Variants in CDH12 observed in about 807,000 individuals in gnomAD.
CDH12 encodes cadherin 12, also known as cadherin-12.
Under a neutral mutation model 74.1 loss-of-function variants are expected in CDH12, and 41 were observed. The ratio of observed to expected loss-of-function variants is 0.55; its 90% confidence interval spans 0.43 to 0.72. The LOEUF (loss-of-function observed/expected upper bound fraction) is 0.72, where lower values mean the gene tolerates loss of function less well. Among genes scored for constraint, CDH12 ranks in the 30% least tolerant of loss-of-function variants. CDH12 has a pLI of 0.00. For synonymous variants in CDH12, 399 were observed against 355.0 expected, an observed-to-expected ratio of 1.12 and a Z score of -1.39; for missense variants, 945 against 977.2, an observed-to-expected ratio of 0.97 and a Z score of 0.44.
At chr5:22,634,355 T>C (rs1446038768) in intron 1 of CDH12, among the ~76,000 whole-genome samples, 2 of 152,030 alleles carry the variant, frequency 1.3e-5, no homozygotes, top group East Asian at 3.9e-4. Flanking sequence ...AAAAATTAGG[T>C]TGCAAGACAC....
At chr5:22,802,349 T>C (rs564305740) in intron 1 of CDH12, among the ~76,000 whole-genome samples, 1 of 152,146 alleles carries the variant, frequency 6.6e-6, no homozygotes, top group Admixed American at 6.5e-5. Flanking sequence ...CTCCATCTCC[T>C]GACCTTGTGA....
At chr5:22,155,550 T>C (rs1422522374) in intron 4 of CDH12, among the ~76,000 whole-genome samples, 1 of 152,192 alleles carries the variant, frequency 6.6e-6, no homozygotes, top group Non-Finnish European at 1.5e-5. Context: ...CTAGTCTATA[T>C]GTTAGAGAAA....
At chr5:22,798,307 C>G (rs1748333829) in intron 1 of CDH12, among the ~76,000 whole-genome samples, 1 of 152,002 alleles carries the variant, frequency 6.6e-6, no homozygotes, top group Non-Finnish European at 1.5e-5. Flanking sequence ...TAAATATAGG[C>G]TACTTAACAA....
intron 4 of CDH12, among the ~76,000 whole-genome samples, chr5:22,194,086 C>T (rs1272428282): frequency 6.6e-6 from 1 of 152,068 alleles, no homozygotes; most frequent in Non-Finnish European, 1.5e-5. Context: ...TCTCTGACAC[C>T]TCATTGGAGA....
intron 4 of CDH12, among the ~76,000 whole-genome samples, chr5:22,108,708 G>C (rs1744644431): frequency 6.6e-6 from 1 of 152,172 alleles, no homozygotes; most frequent in South Asian, 2.1e-4. Flanking sequence ...CTTAGACATA[G>C]AGTGATTTTA....
intron 6 of CDH12, among the ~76,000 whole-genome samples, chr5:21,862,077 T>C (rs1490682668): frequency 3.3e-5 from 5 of 152,116 alleles, no homozygotes; most frequent in Non-Finnish European, 7.4e-5. Flanking sequence ...TGTTTATATC[T>C]ATGTGTGCAT....
At chr5:21,815,600 A>G (rs984228432) in intron 9 of CDH12, among the ~76,000 whole-genome samples, 8 of 152,126 alleles carry the variant, frequency 5.3e-5, no homozygotes, top group African/African-American at 1.9e-4. Context: ...TGTCATTACT[A>G]AACAGCTTCC....
intron 1 of CDH12, among the ~76,000 whole-genome samples, chr5:22,792,162 C>A (rs1341798669): frequency 2.0e-5 from 3 of 147,888 alleles, no homozygotes; most frequent in African/African-American, 7.5e-5. Context: ...AATCTCGGCT[C>A]ACTGTGACCT....
At chr5:21,981,822 C>G (rs1409799408) in intron 5 of CDH12, among the ~76,000 whole-genome samples, 2 of 152,124 alleles carry the variant, frequency 1.3e-5, no homozygotes, top group African/African-American at 4.8e-5. Flanking sequence ...GCACAGACTA[C>G]CATGCTTAGC....
intron 6 of CDH12, chr5:21,883,868 T>C (rs537772855): frequency 1.2e-6 from 2 of 1,607,380 alleles, no homozygotes; most frequent in East Asian, 4.5e-5. Context: ...ATGCCCTTAA[T>C]GCTACAAGAG....
chr5:22,838,207 A>T (rs1561067388), intron 1 of CDH12, among the ~76,000 whole-genome samples: 2 of 152,144 alleles, frequency 1.3e-5, no homozygotes, highest in African/African-American at 4.8e-5. Context: ...CCTTGGCTGT[A>T]GACCCGTAGA....
intron 10 of CDH12, among the ~76,000 whole-genome samples, chr5:21,794,375 G>A (rs1746664957): frequency 6.6e-6 from 1 of 151,668 alleles, no homozygotes; most frequent in African/African-American, 2.4e-5. Flanking sequence ...CATTTGCAAA[G>A]AGACTTCATG....
intron 10 of CDH12, among the ~76,000 whole-genome samples, chr5:21,792,298 T>C (rs1746543350): frequency 6.6e-6 from 1 of 151,902 alleles, no homozygotes; most frequent in African/African-American, 2.4e-5. Flanking sequence ...TCCTATCAAT[T>C]TCTCTTTTTT....
intron 6 of CDH12, among the ~76,000 whole-genome samples, chr5:21,859,686 C>T (rs967857265): frequency 5.3e-5 from 8 of 151,868 alleles, no homozygotes; most frequent in African/African-American, 1.7e-4. Flanking sequence ...ATGCTGACAC[C>T]AGGAGATACA....
intron 11 of CDH12, among the ~76,000 whole-genome samples, chr5:21,783,082 G>A (rs146167812): frequency 6.6e-5 from 10 of 152,140 alleles, no homozygotes; most frequent in African/African-American, 2.2e-4. Context: ...ATTAAAACTC[G>A]GGTGAATTTT....
rs189808812 is a variant in CDH12 at position 21,806,835 on chromosome 5, G to T, written c.1003-4415C>A. On this transcript the variant is annotated intron_variant, in intron 9 of 14. Coordinates refer to ENST00000382254, the MANE Select transcript of CDH12 (RefSeq NM_004061.5). Reference sequence around the variant, plus strand: ...TGGCTCATTCCCCAGCATAGCCCAAGCTAACTATGGAATTTAGTTTATACT... The same window carrying T: ...TGGCTCATTCCCCAGCATAGCCCAATCTAACTATGGAATTTAGTTTATACT... Among the ~76,000 whole-genome samples, 215 of 152,312 alleles carry T rather than the reference G, an allele frequency of 1.4e-3. 1 individual carries two copies. The highest frequency in any genetic ancestry group is 2.8e-3 in the Non-Finnish European group (190 of 68,030).
chr5:22,376,511 C>A lies in CDH12; in HGVS notation c.-333+28746G>T, dbSNP rs1580582130. On this transcript the variant is annotated intron_variant, in intron 3 of 14. Coordinates refer to ENST00000382254, the MANE Select transcript of CDH12 (RefSeq NM_004061.5). ...TCTCATTGTGATGATACATTACATA[C>A]CCTGACTTGATCATTACACATTCCA... Among the ~76,000 whole-genome samples the A allele has an allele frequency of 2.0e-5, 3 of 151,880 alleles. No homozygotes were observed. The South Asian group carries it at 6.2e-4, about 32-fold the overall frequency.
intron 6 of CDH12, among the ~76,000 whole-genome samples, chr5:21,968,297 A>G (rs1214195944): frequency 6.6e-6 from 1 of 152,212 alleles, no homozygotes; most frequent in Non-Finnish European, 1.5e-5. Flanking sequence ...GCTACTTGCA[A>G]TAACCCTCTC....
intron 1 of CDH12, among the ~76,000 whole-genome samples, chr5:22,738,758 CTT>C (rs1744869916): frequency 6.6e-6 from 1 of 151,918 alleles, no homozygotes; most frequent in African/African-American, 2.4e-5. Context: ...ATCATAGGGA[CTT>C]ATATTAATAT....
Sources: gnomAD v4.1 joint callset for allele counts (sites outside exome capture counted in the v4.1 genomes callset) on GRCh38, gnomAD v4.1.1 for gene constraint, MANE v1.5 for transcripts, NCBI Gene and HGNC (gene_info 2026-07-23, HGNC 2026-07-21) for gene names.